YEATS2: variants seen among roughly 807,000 people sequenced by gnomAD.
YEATS2 encodes the protein YEATS domain containing 2.
In YEATS2, 77 loss-of-function variants were observed where a neutral mutation model predicts 163.2. The ratio of observed to expected loss-of-function variants is 0.47; its 90% CI spans 0.39 to 0.57. The LOEUF is 0.57. Among genes scored for constraint, YEATS2 ranks in the 20% least tolerant of loss-of-function variants. The pLI, the probability that YEATS2 is intolerant of heterozygous loss-of-function variation, is 0.00. For synonymous variants in YEATS2, 631 were observed against 645.1 expected (o/e 0.98, Z 0.33); for missense variants, 1,549 against 1,729.8 (o/e 0.90, Z 1.85).
chr3:183,731,026 G>A (rs554787840), intron 7 of YEATS2, among the ~76,000 whole-genome samples: 3 of 152,250 alleles, frequency 2.0e-5, no homozygotes, highest in South Asian at 2.1e-4. Flanking sequence ...AATAGGCTGG[G>A]CGCGGTGGCT....
At chr3:183,776,203 G>A (rs2606220) in intron 18 of YEATS2, 80 bp downstream of exon 18, 894,320 of 1,369,332 alleles carry the variant, frequency 0.65, 297,580 homozygotes, top group East Asian at 0.98. Flanking sequence ...TTACCTTTAC[G>A]GCTCTGGGAT....
intron 7 of YEATS2, among the ~76,000 whole-genome samples, chr3:183,731,349 A>G: frequency 6.6e-6 from 1 of 151,738 alleles, no homozygotes; most frequent in South Asian, 2.1e-4. Flanking sequence ...TTTTGTAGGT[A>G]GGTACAGTAT....
intron 30 of YEATS2, among the ~76,000 whole-genome samples, chr3:183,809,688 C>A (rs1358000664): frequency 6.6e-6 from 1 of 152,144 alleles, no homozygotes; most frequent in Non-Finnish European, 1.5e-5. Context: ...TTTGCTGACT[C>A]GTTGTCTTTG....
chr3:183,800,848 G>C (rs1282137693), intron 24 of YEATS2: 5 of 320,530 alleles, frequency 1.6e-5, no homozygotes, highest in Middle Eastern at 1.0e-3. Flanking sequence ...GGCTTTCTCT[G>C]CTGAGCCCGT....
intron 1 of YEATS2, among the ~76,000 whole-genome samples, chr3:183,703,147 T>C (rs1714281941): frequency 6.6e-6 from 1 of 152,200 alleles, no homozygotes; most frequent in South Asian, 2.1e-4. Context: ...TTACATGTTA[T>C]TAGAAATGTC....
At chr3:183,771,167 C>T (rs1020372008) in intron 15 of YEATS2, among the ~76,000 whole-genome samples, 2 of 152,194 alleles carry the variant, frequency 1.3e-5, no homozygotes, top group African/African-American at 4.8e-5. Flanking sequence ...CCTATTTTCC[C>T]CACAGCCTCT....
At chr3:183,733,195 G>A (rs968272353) in intron 7 of YEATS2, among the ~76,000 whole-genome samples, 2 of 152,238 alleles carry the variant, frequency 1.3e-5, no homozygotes, top group African/African-American at 2.4e-5. Context: ...TTTGGAGGTG[G>A]CTGGTTTTGT....
intron 8 of YEATS2, 66 bp from the exon 9 acceptor site, chr3:183,747,606 G>A: frequency 7.2e-7 from 1 of 1,381,788 alleles, no homozygotes; most frequent in South Asian, 1.2e-5. Flanking sequence ...GATAAAGATT[G>A]TATCCTATGA....
intron 7 of YEATS2, among the ~76,000 whole-genome samples, chr3:183,735,824 G>C (rs1005965041): frequency 2.0e-5 from 3 of 152,046 alleles, no homozygotes; most frequent in African/African-American, 7.2e-5. Flanking sequence ...TGGGATTACA[G>C]GCATGAGCCA....
chr3:183,788,222 G>A (rs1724252187), intron 20 of YEATS2, among the ~76,000 whole-genome samples: 1 of 151,636 alleles, frequency 6.6e-6, no homozygotes, highest in Non-Finnish European at 1.5e-5. Context: ...ACCCTGTTGT[G>A]CTATCAAATA....
At chr3:183,730,048 G>GTTTGT (rs1412015105) in intron 7 of YEATS2, among the ~76,000 whole-genome samples, 2 of 20,820 alleles carry the variant, frequency 9.6e-5, no homozygotes, top group African/African-American at 1.3e-4. Context: ...GTGGTTTTTT[G>GTTTGT]TTTGTTTTTT....
In YEATS2 at chr3:183,747,737, A is replaced by G. The variant is rs1719702844; in HGVS notation, c.969+21A>G. ...AGACGGTAGGTTTTTTTCCTACAGT[A>G]TTATCTGGGAATGAGTAGGATGAAA... On this transcript the variant is annotated intron_variant, in intron 9 of 30. Coordinates refer to ENST00000305135, the MANE Select transcript of YEATS2 (RefSeq NM_018023.5). 11 of 1,605,808 alleles carry G rather than the reference A, an allele frequency of 6.9e-6. No individual in the cohort carries two copies. The East Asian group carries it at 2.5e-4, about 36-fold the overall frequency.
chr3:183,746,170 C>T (rs1352783792), intron 8 of YEATS2, among the ~76,000 whole-genome samples: 2 of 152,142 alleles, frequency 1.3e-5, no homozygotes, highest in East Asian at 3.9e-4. Flanking sequence ...TCAAGAGATC[C>T]TCCTGCGTCA....
At chr3:183,701,067 G>C (rs919744055) in intron 1 of YEATS2, among the ~76,000 whole-genome samples, 2 of 151,014 alleles carry the variant, frequency 1.3e-5, no homozygotes, top group African/African-American at 4.9e-5. Flanking sequence ...GTGTGTGTGT[G>C]TGTGTATATA....
rs530361900 is a variant in YEATS2 at position 183,784,628 on chromosome 3, T to C, written c.2737-1497T>C. Among the ~76,000 whole-genome samples the C allele has an allele frequency of 2.0e-5, 3 of 152,262 alleles. No individual in the cohort carries two copies. In the South Asian group the frequency reaches 6.2e-4, roughly 32 times the overall value. On this transcript the variant is annotated intron_variant, in intron 19 of 30. Transcript: ENST00000305135. The stretch of plus-strand genomic sequence containing the variant: ...ATTAGGTCCCACTTGGTTTTCCTTT[T>C]TGTTGCAATTGTTGTTGATGCTTCC...
At chr3:183,741,957 C>T (rs1238846816) in intron 8 of YEATS2, among the ~76,000 whole-genome samples, 1 of 151,736 alleles carries the variant, frequency 6.6e-6, no homozygotes, top group Non-Finnish European at 1.5e-5. Flanking sequence ...GCCTGTAATC[C>T]CAGCCCTTTG....
chr3:183,804,633 C>T (rs921763082), intron 27 of YEATS2, among the ~76,000 whole-genome samples: 2 of 152,160 alleles, frequency 1.3e-5, no homozygotes, highest in Non-Finnish European at 2.9e-5. Context: ...CCACCCAGTG[C>T]GGGAGGCACT....
At chr3:183,755,642 CTT>C (rs1325684708) in intron 11 of YEATS2, among the ~76,000 whole-genome samples, 24 of 149,760 alleles carry the variant, frequency 1.6e-4, no homozygotes, top group Non-Finnish European at 3.0e-5. Flanking sequence ...TTGACAGAGA[CTT>C]TTATTCTGGG....
intron 18 of YEATS2, 104 bp downstream of exon 18, chr3:183,776,227 T>A: frequency 8.9e-7 from 1 of 1,127,968 alleles, no homozygotes; most frequent in Non-Finnish European, 1.2e-6. Flanking sequence ...GGTTCAATAC[T>A]AACACCTTAA....
Sources: allele counts gnomAD v4.1 joint callset (sites outside exome capture counted in the v4.1 genomes callset), GRCh38; gene constraint gnomAD v4.1.1; transcripts MANE v1.5; gene names NCBI Gene and HGNC (gene_info 2026-07-23, HGNC 2026-07-21).